The following CSMD1 variants were observed in gnomAD, a reference collection of about 807,000 sequenced individuals.
CSMD1 encodes CUB and sushi domain-containing protein 1.
CSMD1 carries 213 observed loss-of-function variants against 417.5 expected under a neutral mutation model. The ratio of observed to expected loss-of-function variants is 0.51; its 90% CI spans 0.46 to 0.57. The LOEUF (loss-of-function observed/expected upper bound fraction) is 0.57, where lower values mean the gene tolerates loss of function less well. Ranked by LOEUF, CSMD1 falls within the 20% of genes least tolerant of loss-of-function variation. The pLI is 0.00. For synonymous variants in CSMD1, 2,862 were observed against 1,736.8 expected, an observed-to-expected ratio of 1.65 and a Z score of -16.11; for missense variants, 6,923 against 4,529.7, an observed-to-expected ratio of 1.53 and a Z score of -15.17.
intron 47 of CSMD1, among the ~76,000 whole-genome samples, chr8:3,094,450 T>A (rs772063884): frequency 2.4e-4 from 36 of 152,196 alleles, no homozygotes; most frequent in Non-Finnish European, 5.0e-4. Flanking sequence ...CATAATGTTC[T>A]ATCTGTTCTC....
chr8:4,320,522 C>A (rs750820757), intron 3 of CSMD1, among the ~76,000 whole-genome samples: 1 of 152,108 alleles, frequency 6.6e-6, no homozygotes, highest in Non-Finnish European at 1.5e-5. Context: ...CCCCACCCCC[C>A]AACAGGCCCC....
At chr8:3,444,995 T>C (rs1585174820) in intron 12 of CSMD1, among the ~76,000 whole-genome samples, 1 of 152,122 alleles carries the variant, frequency 6.6e-6, no homozygotes, top group Non-Finnish European at 1.5e-5. Context: ...CTCGAACCTG[T>C]CCAAGCCTCT....
At chr8:3,454,944 T>G (rs1431647997) in intron 12 of CSMD1, among the ~76,000 whole-genome samples, 1 of 152,234 alleles carries the variant, frequency 6.6e-6, no homozygotes, top group African/African-American at 2.4e-5. Flanking sequence ...CACTTTCAGG[T>G]ACACCAATCA....
intron 3 of CSMD1, among the ~76,000 whole-genome samples, chr8:4,267,728 G>C (rs1040283318): frequency 2.0e-5 from 3 of 152,040 alleles, no homozygotes; most frequent in African/African-American, 7.2e-5. Flanking sequence ...AAGTTCTGAA[G>C]ATATTCCAAA....
intron 3 of CSMD1, among the ~76,000 whole-genome samples, chr8:4,356,778 C>A (rs935183774): frequency 6.6e-6 from 1 of 152,150 alleles, no homozygotes; most frequent in African/African-American, 2.4e-5. Context: ...GTTCTTCTCT[C>A]AAAGCAGTCT....
intron 3 of CSMD1, among the ~76,000 whole-genome samples, chr8:4,211,865 A>G (rs1027255604): frequency 1.3e-5 from 2 of 152,188 alleles, no homozygotes; most frequent in African/African-American, 4.8e-5. Flanking sequence ...ACTTGCTTTA[A>G]TAACCCAACA....
intron 2 of CSMD1, among the ~76,000 whole-genome samples, chr8:4,423,952 A>C (rs894528266): frequency 6.6e-6 from 1 of 152,234 alleles, no homozygotes; most frequent in East Asian, 1.9e-4. Flanking sequence ...ACAGATTCAA[A>C]AGAAATTGCA....
intron 1 of CSMD1, among the ~76,000 whole-genome samples, chr8:4,866,457 GT>G (rs1180878149): frequency 6.6e-6 from 1 of 151,382 alleles, no homozygotes; most frequent in Admixed American, 6.6e-5. Flanking sequence ...ATTCTCTTTT[GT>G]TTTTTTCTTT....
At chr8:3,519,435 T>A (rs997977552) in intron 10 of CSMD1, among the ~76,000 whole-genome samples, 2 of 152,204 alleles carry the variant, frequency 1.3e-5, no homozygotes, top group Non-Finnish European at 2.9e-5. Context: ...ATGTAAAAGA[T>A]GAAGTTTCTT....
At position 4,380,954 on chromosome 8, in the gene CSMD1, T is replaced by C. The variant is rs185847992; in HGVS notation, c.415+38999A>G. ...ATCCACAACTGATAACCTGTGGTTATTGTTAACCCATTTCCCATTTGGGAA... is the reference window on the plus strand; with the variant it reads ...ATCCACAACTGATAACCTGTGGTTACTGTTAACCCATTTCCCATTTGGGAA... On this transcript the variant is annotated intron_variant, in intron 3 of 69. Coordinates refer to ENST00000635120, the MANE Select transcript of CSMD1 (RefSeq NM_033225.6). Among the ~76,000 whole-genome samples, 435 of 152,264 alleles carry C rather than the reference T, an allele frequency of 2.9e-3. 1 individual carries two copies. Among genetic ancestry groups the C allele is most frequent in the African/African-American group, 9.8e-3 (406 of 41,564 alleles).
intron 5 of CSMD1, among the ~76,000 whole-genome samples, chr8:3,857,803 G>C (rs1231754058): frequency 2.0e-5 from 3 of 152,196 alleles, no homozygotes; most frequent in African/African-American, 7.2e-5. Flanking sequence ...TACAACACCA[G>C]GCCAGAGTAG....
At chr8:4,589,532 G>T (rs1481840923) in intron 2 of CSMD1, among the ~76,000 whole-genome samples, 2 of 152,132 alleles carry the variant, frequency 1.3e-5, no homozygotes, top group East Asian at 1.9e-4. Context: ...CATTCCCCAG[G>T]TTAGGAAGTG....
chr8:3,424,580 A>C (rs753737475), intron 12 of CSMD1, among the ~76,000 whole-genome samples: 1 of 152,216 alleles, frequency 6.6e-6, no homozygotes, highest in Admixed American at 6.5e-5. Context: ...AAACAATATG[A>C]CTTCAAAAAT....
chr8:4,648,640 C>T (rs141634324), intron 1 of CSMD1, among the ~76,000 whole-genome samples: 239 of 152,266 alleles, frequency 1.6e-3, no homozygotes, highest in Middle Eastern at 3.4e-3. Context: ...TCACCATTTA[C>T]GTTGCTCATT....
chr8:3,429,111 T>C (rs1814044420), intron 12 of CSMD1, among the ~76,000 whole-genome samples: 2 of 152,152 alleles, frequency 1.3e-5, no homozygotes, highest in African/African-American at 4.8e-5. Flanking sequence ...AGTTCTTGTG[T>C]GCTATTGTAC....
At chr8:3,564,375 T>G (rs1248415046) in intron 10 of CSMD1, among the ~76,000 whole-genome samples, 1 of 152,212 alleles carries the variant, frequency 6.6e-6, no homozygotes, top group Non-Finnish European at 1.5e-5. Flanking sequence ...TACACAAACC[T>G]AGACATTCAT....
At chr8:3,720,000 T>C (rs4875783) in intron 6 of CSMD1, among the ~76,000 whole-genome samples, 84,111 of 152,088 alleles carry the variant, frequency 0.55, 23,241 homozygotes, top group South Asian at 0.67. Flanking sequence ...TTACATGACA[T>C]GGCAAATAGA....
intron 3 of CSMD1, among the ~76,000 whole-genome samples, chr8:4,097,995 T>C (rs866679875): frequency 6.6e-6 from 1 of 152,156 alleles, no homozygotes; most frequent in Non-Finnish European, 1.5e-5. Flanking sequence ...CAGATGGAAA[T>C]GAACTCTGTC....
At chr8:3,240,200 C>CT (rs1799408628) in intron 26 of CSMD1, among the ~76,000 whole-genome samples, 1 of 151,974 alleles carries the variant, frequency 6.6e-6, no homozygotes, top group Non-Finnish European at 1.5e-5. Context: ...CTGCGCAGCC[C>CT]ACACTTCAGC....
Sources: gnomAD v4.1 joint callset for allele counts (sites outside exome capture counted in the v4.1 genomes callset) on GRCh38, gnomAD v4.1.1 for gene constraint, MANE v1.5 for transcripts, NCBI Gene and HGNC (gene_info 2026-07-23, HGNC 2026-07-21) for gene names.